Variants in RANBP3 observed in about 807,000 individuals in gnomAD.
RANBP3 encodes ran-binding protein 3.
In RANBP3, 14 loss-of-function variants were observed where a neutral mutation model predicts 77.3. That is an observed-to-expected ratio of 0.18 (90% CI 0.12 to 0.28). RANBP3 has a LOEUF of 0.28. RANBP3 is among the 10% of genes least tolerant of loss of function. The probability of loss-of-function intolerance (pLI) is 1.00; values close to 1 mark genes in which losing one functional copy is unlikely to be tolerated. For missense variants in RANBP3, 586 were observed against 752.3 expected, an observed-to-expected ratio of 0.78 and a Z score of 2.59; for synonymous variants, 315 against 312.4, an observed-to-expected ratio of 1.01 and a Z score of -0.09.
intron 1 of RANBP3, among the ~76,000 whole-genome samples, chr19:5,974,033 C>T (rs1477034985): frequency 1.3e-5 from 2 of 152,164 alleles, no homozygotes; most frequent in Non-Finnish European, 2.9e-5. Flanking sequence ...AGCCTCCCCA[C>T]CCCCACTCCC....
At chr19:5,926,861 G>C (rs1015182483) in intron 9 of RANBP3, among the ~76,000 whole-genome samples, 2 of 152,130 alleles carry the variant, frequency 1.3e-5, no homozygotes, top group East Asian at 3.9e-4. Flanking sequence ...TCTGTTGGAC[G>C]GTGAGTAACA....
At position 5,921,615 on chromosome 19, in the gene RANBP3, C is replaced by T. The variant is rs1485573817; in HGVS notation, c.1210-294G>A. On this transcript the variant is annotated intron_variant, in intron 13 of 16. Transcript: ENST00000340578. This position sits in a 1 kb window ranked among gnomAD's most constrained non-coding sequence, Gnocchi z 5.3. ...ATGTGGGGAAGCTGGAACCCTCACA[C>T]ACTGCTGGCGGGAAGGCCGCATGGT... Among the ~76,000 whole-genome samples the T allele has an allele frequency of 6.6e-6, 1 of 152,260 alleles. No individual in the cohort carries two copies. Among genetic ancestry groups the T allele is most frequent in the Non-Finnish European group, 1.5e-5 (1 of 68,040 alleles).
At chr19:5,919,022 G>GGCAGGGGCTGACACTCAAGGT (rs1184230615) in intron 14 of RANBP3, among the ~76,000 whole-genome samples, 1 of 152,236 alleles carries the variant, frequency 6.6e-6, no homozygotes, top group East Asian at 1.9e-4. Flanking sequence ...GGCTGCGGGA[G>GGCAGGGGCTGACACTCAAGGT]GCAGGGGCTG....
At position 5,928,033 on chromosome 19, in the gene RANBP3, C is replaced by T; in HGVS notation, c.748G>A (p.Glu250Lys). ...SSNASEEEAC[E>K]KKDPATQQAF... ...TGCTGTGTGGCGGGGTCTTTTTTCT[C>T]ACAGGCTTCCTCTTCAGAGGCATTG... Residue 250 changes from glutamate (E) to lysine (K), a missense_variant, in exon 9 of 17, where the codon GAG becomes AAG. By Grantham distance (56) the Glu-to-Lys change is moderately conservative. Coordinates refer to ENST00000340578, the MANE Select transcript of RANBP3 (RefSeq NM_007322.3). The T allele has an allele frequency of 6.2e-7, 1 of 1,613,884 alleles. No homozygotes were observed. The highest frequency in any genetic ancestry group is 8.5e-7 in the Non-Finnish European group (1 of 1,179,874).
chr19:5,935,965 A>C (rs563126385), intron 5 of RANBP3: 2 of 350,120 alleles, frequency 5.7e-6, no homozygotes, highest in African/African-American at 4.2e-5. Flanking sequence ...ATCACTCCAG[A>C]GAGGAAGAGG....
intron 1 of RANBP3, among the ~76,000 whole-genome samples, chr19:5,961,512 C>T (rs954713497): frequency 2.0e-5 from 3 of 152,032 alleles, no homozygotes; most frequent in African/African-American, 7.3e-5. Flanking sequence ...GCGGGAGGAT[C>T]ACCTGAGGTC....
chr19:5,923,946 G>T (rs757602306), intron 11 of RANBP3, 32 bp from the exon 12 acceptor site: 2 of 1,542,840 alleles, frequency 1.3e-6, no homozygotes, highest in African/African-American at 1.4e-5. Context: ...CAAGGAAGAG[G>T]GCACTTGTGT....
At chr19:5,944,470 C>G (rs73539643) in intron 3 of RANBP3, among the ~76,000 whole-genome samples, 3 of 152,210 alleles carry the variant, frequency 2.0e-5, no homozygotes, top group African/African-American at 7.2e-5. Context: ...TCTGCCCACC[C>G]GGGCAGCCAA....
At chr19:5,953,923 G>A (rs1401346149) in intron 2 of RANBP3, among the ~76,000 whole-genome samples, 1 of 152,130 alleles carries the variant, frequency 6.6e-6, no homozygotes, top group Non-Finnish European at 1.5e-5. Context: ...ATAGGATTTG[G>A]CAACCTCACC....
intron 1 of RANBP3, chr19:5,966,063 T>G (rs1332572644): frequency 3.3e-5 from 5 of 152,272 alleles, no homozygotes; most frequent in African/African-American, 1.2e-4. Flanking sequence ...GGCCAAGAAC[T>G]ACGTGTGCAA....
intron 1 of RANBP3, among the ~76,000 whole-genome samples, chr19:5,969,634 C>A (rs1036544249): frequency 2.0e-5 from 3 of 152,322 alleles, no homozygotes; most frequent in Non-Finnish European, 1.5e-5. Context: ...ACTGACTCAC[C>A]GGGAAGGACA....
chr19:5,963,447 A>G (rs2058427894), intron 1 of RANBP3, among the ~76,000 whole-genome samples: 2 of 152,318 alleles, frequency 1.3e-5, no homozygotes, highest in South Asian at 4.1e-4. Context: ...GCTACTTGGG[A>G]GGCCGAGGTG....
intron 5 of RANBP3, among the ~76,000 whole-genome samples, chr19:5,938,001 C>T (rs538711164): frequency 2.0e-5 from 3 of 152,192 alleles, no homozygotes; most frequent in Non-Finnish European, 4.4e-5. Context: ...TAACCAACAT[C>T]GTGCCCTTCC....
intron 5 of RANBP3, among the ~76,000 whole-genome samples, chr19:5,941,119 C>T (rs924127154): frequency 1.3e-5 from 2 of 152,226 alleles, no homozygotes; most frequent in South Asian, 2.1e-4. Flanking sequence ...CAGCATCACA[C>T]ACGGGCCTCT....
chr19:5,943,155 G>A (rs936249501), intron 3 of RANBP3, among the ~76,000 whole-genome samples: 1 of 152,190 alleles, frequency 6.6e-6, no homozygotes, highest in African/African-American at 2.4e-5. Flanking sequence ...CTCCTGGCGC[G>A]CTCCCTGCAA....
chr19:5,940,026 A>G (rs867980166), intron 5 of RANBP3, among the ~76,000 whole-genome samples: 1 of 152,262 alleles, frequency 6.6e-6, no homozygotes, highest in Admixed American at 6.5e-5. Flanking sequence ...GCCAGCCAAC[A>G]GGTTTCCACA....
Position 5,952,725 on chromosome 19 carries a change from C to T in RANBP3, c.79-1129G>A, listed in dbSNP as rs892721209. Among the ~76,000 whole-genome samples, 3 of 152,156 alleles carry T rather than the reference C, an allele frequency of 2.0e-5. No individual in the cohort carries two copies. The highest frequency in any genetic ancestry group is 7.2e-5 in the African/African-American group (3 of 41,432). On this transcript the variant is annotated intron_variant, in intron 2 of 16. Transcript: ENST00000340578. This position sits in a 1 kb window ranked among gnomAD's most constrained non-coding sequence, Gnocchi z 4.1. ...CAGTGATCCGGGAGGAGGAAAGGAGCTACAGAAAGAGGATGTAAGAGAATG... is the reference window on the plus strand; with the variant it reads ...CAGTGATCCGGGAGGAGGAAAGGAGTTACAGAAAGAGGATGTAAGAGAATG...
chr19:5,933,355 G>A (rs2058020966), intron 6 of RANBP3, 59 bp downstream of exon 6: 3 of 1,437,638 alleles, frequency 2.1e-6, no homozygotes, highest in Admixed American at 1.9e-5. Context: ...GTGTGGCCTA[G>A]CAGAGGTCTG....
chr19:5,961,727 C>T (rs2058404707), intron 1 of RANBP3, among the ~76,000 whole-genome samples: 1 of 145,042 alleles, frequency 6.9e-6, no homozygotes, highest in African/African-American at 2.7e-5. Flanking sequence ...GAGTGAAACT[C>T]TGTCTCAAAA....
Sources: allele counts gnomAD v4.1 joint callset (sites outside exome capture counted in the v4.1 genomes callset), GRCh38; gene constraint gnomAD v4.1.1; non-coding constraint Gnocchi (gnomAD v3.1); transcripts MANE v1.5; gene names NCBI Gene and HGNC (gene_info 2026-07-23, HGNC 2026-07-21).